The following LRRTM4 variants were observed in gnomAD, a reference collection of about 807,000 sequenced individuals.
LRRTM4 encodes leucine rich repeat transmembrane neuronal 4, also known as leucine-rich repeat transmembrane neuronal protein 4.
A neutral mutation model predicts 47.6 loss-of-function variants in LRRTM4; 25 were observed. The ratio of observed to expected loss-of-function variants is 0.53; its 90% CI spans 0.38 to 0.73. LRRTM4 has a LOEUF of 0.73. Ranked by LOEUF, LRRTM4 falls within the 30% of genes least tolerant of loss-of-function variation. The probability of loss-of-function intolerance (pLI) is 0.00; values close to 1 mark genes in which losing one functional copy is unlikely to be tolerated. For synonymous variants in LRRTM4, 311 were observed against 269.5 expected (o/e 1.15, Z -1.51); for missense variants, 638 against 713.4 (o/e 0.89, Z 1.20).
At chr2:77,207,378 C>A (rs1271482851) in intron 3 of LRRTM4, among the ~76,000 whole-genome samples, 2 of 114,828 alleles carry the variant, frequency 1.7e-5, no homozygotes, top group African/African-American at 9.5e-5. Flanking sequence ...TATATACACA[C>A]ACACATATTT....
intron 3 of LRRTM4, among the ~76,000 whole-genome samples, chr2:76,907,059 C>G (rs911399887): frequency 6.6e-6 from 1 of 152,034 alleles, no homozygotes; most frequent in Admixed American, 6.6e-5. Flanking sequence ...AGCACCAAAC[C>G]ACACCTATTC....
intron 3 of LRRTM4, among the ~76,000 whole-genome samples, chr2:77,183,641 T>C (rs1050196060): frequency 2.6e-4 from 40 of 152,298 alleles, no homozygotes; most frequent in Non-Finnish European, 4.1e-4. Flanking sequence ...CGTATGTTTA[T>C]TGTGGCACTA....
In LRRTM4 at chr2:76,807,869, C is replaced by G. The variant is rs551718040; in HGVS notation, c.1552-58953G>C. Among the ~76,000 whole-genome samples, 6 of 151,764 alleles carry G rather than the reference C, an allele frequency of 4.0e-5. No homozygotes were observed. In the East Asian group the frequency reaches 1.2e-3, roughly 30 times the overall value. Reference sequence around the variant, plus strand: ...GTGCTGGGATTACAGGTGTGAGCCACCGCACCCGGCCTATTTTCTTTTCTT... The same window carrying G: ...GTGCTGGGATTACAGGTGTGAGCCAGCGCACCCGGCCTATTTTCTTTTCTT... On this transcript the variant is annotated intron_variant, in intron 3 of 3. Coordinates refer to ENST00000409884, the MANE Select transcript of LRRTM4 (RefSeq NM_001134745.3).
intron 3 of LRRTM4, among the ~76,000 whole-genome samples, chr2:77,057,559 A>G (rs1679650522): frequency 6.6e-6 from 1 of 152,176 alleles, no homozygotes; most frequent in Non-Finnish European, 1.5e-5. Flanking sequence ...CATGAATTTT[A>G]GTATGGCTCT....
intron 3 of LRRTM4, among the ~76,000 whole-genome samples, chr2:77,225,191 C>T (rs1463376562): frequency 2.4e-5 from 3 of 124,170 alleles, no homozygotes; most frequent in African/African-American, 3.2e-5. Context: ...GGAAGGGGAA[C>T]ATCACACACC....
At position 77,135,986 on chromosome 2, in the gene LRRTM4, G is replaced by GA. The variant is rs892865787; in HGVS notation, c.1551+382331dup. 3.5e-3 allele frequency among the ~76,000 whole-genome samples: 530 copies of GA among 149,664 alleles called. 3 individuals are homozygous for GA. The highest frequency in any genetic ancestry group is 0.011 in the African/African-American group (454 of 40,794). The stretch of plus-strand genomic sequence containing the variant: ...ATTAATACCTAAATACCCAATTTAG[G>GA]AAAAAAAAAGGGTATTAAAAGGTTT... On this transcript the variant is annotated intron_variant, in intron 3 of 3. Transcript: ENST00000409884.
At chr2:77,305,185 A>G (rs1677239246) in intron 3 of LRRTM4, among the ~76,000 whole-genome samples, 1 of 152,080 alleles carries the variant, frequency 6.6e-6, no homozygotes, top group South Asian at 2.1e-4. Context: ...AAAACTAGTT[A>G]ATTCAACACC....
chr2:77,141,538 T>C (rs1672122913), intron 3 of LRRTM4, among the ~76,000 whole-genome samples: 2 of 152,170 alleles, frequency 1.3e-5, no homozygotes, highest in South Asian at 2.1e-4. Context: ...AGTTAATGGG[T>C]GCAGCACACC....
At chr2:77,249,140 G>T (rs755616507) in intron 3 of LRRTM4, among the ~76,000 whole-genome samples, 15 of 151,794 alleles carry the variant, frequency 9.9e-5, no homozygotes, top group Non-Finnish European at 1.5e-4. Flanking sequence ...ACCTGAGGTT[G>T]GTAGTTTGAG....
At chr2:76,980,368 G>C (rs1465629885) in intron 3 of LRRTM4, among the ~76,000 whole-genome samples, 1 of 151,984 alleles carries the variant, frequency 6.6e-6, no homozygotes, top group East Asian at 1.9e-4. Context: ...GTAGTGTCTT[G>C]TATGTATAAA....
At chr2:77,171,369 T>C (rs1187132901) in intron 3 of LRRTM4, among the ~76,000 whole-genome samples, 1 of 152,030 alleles carries the variant, frequency 6.6e-6, no homozygotes. Context: ...CTCCACCTCC[T>C]GGGATCAAGC....
chr2:77,134,413 T>C (rs1046211421), intron 3 of LRRTM4, among the ~76,000 whole-genome samples: 7 of 152,316 alleles, frequency 4.6e-5, no homozygotes, highest in South Asian at 2.1e-4. Flanking sequence ...TTTTCCATTA[T>C]GAAAATTGTT....
At chr2:77,058,371 C>T (rs889969135) in intron 3 of LRRTM4, among the ~76,000 whole-genome samples, 8 of 152,022 alleles carry the variant, frequency 5.3e-5, no homozygotes, top group South Asian at 2.1e-4. Flanking sequence ...AGTCTACTGG[C>T]GAATTGGGGA....
In LRRTM4 at chr2:77,259,857, G is replaced by A. The variant is rs6758286; in HGVS notation, c.1551+258461C>T. On this transcript the variant is annotated intron_variant, in intron 3 of 3. Coordinates refer to ENST00000409884, the MANE Select transcript of LRRTM4 (RefSeq NM_001134745.3). Reference sequence around the variant, plus strand: ...TTCCTTCCATATATAACACCTACTCGTTTGATGAACAAAGAGGTTCAATAA... The same window carrying A: ...TTCCTTCCATATATAACACCTACTCATTTGATGAACAAAGAGGTTCAATAA... 7.8e-3 allele frequency among the ~76,000 whole-genome samples: 1,183 copies of A among 152,058 alleles called. 16 individuals are homozygous for A. The highest frequency in any genetic ancestry group is 0.025 in the African/African-American group (1,037 of 41,516).
At chr2:77,151,350 C>T (rs1357476567) in intron 3 of LRRTM4, among the ~76,000 whole-genome samples, 1 of 152,116 alleles carries the variant, frequency 6.6e-6, no homozygotes, top group Non-Finnish European at 1.5e-5. Context: ...CCCCTGGCAA[C>T]CCCTATTGTA....
At chr2:77,299,052 A>G (rs1405008888) in intron 3 of LRRTM4, among the ~76,000 whole-genome samples, 1 of 152,122 alleles carries the variant, frequency 6.6e-6, no homozygotes, top group Non-Finnish European at 1.5e-5. Context: ...ATAACGTATA[A>G]AAATGTTCTA....
intron 3 of LRRTM4, among the ~76,000 whole-genome samples, chr2:77,298,158 A>G (rs557929101): frequency 1.2e-4 from 18 of 152,358 alleles, no homozygotes; most frequent in Non-Finnish European, 2.2e-4. Flanking sequence ...TGAATCTATT[A>G]TCAAACGAAT....
intron 3 of LRRTM4, among the ~76,000 whole-genome samples, chr2:77,019,159 A>G (rs1678177811): frequency 6.6e-6 from 1 of 150,412 alleles, no homozygotes; most frequent in African/African-American, 2.4e-5. Flanking sequence ...GAGAGTCAGA[A>G]TATAGCTACA....
intron 3 of LRRTM4, among the ~76,000 whole-genome samples, chr2:77,062,400 G>C (rs567387288): frequency 6.6e-6 from 1 of 152,300 alleles, no homozygotes; most frequent in South Asian, 2.1e-4. Context: ...GCAGGAAAAT[G>C]ATAAAACTCC....
Sources: gnomAD v4.1 joint callset for allele counts (sites outside exome capture counted in the v4.1 genomes callset) on GRCh38, gnomAD v4.1.1 for gene constraint, MANE v1.5 for transcripts, NCBI Gene and HGNC (gene_info 2026-07-23, HGNC 2026-07-21) for gene names.